RNF150: variants seen among roughly 807,000 people sequenced by gnomAD.
RNF150 encodes ring finger protein 150.
Under a neutral mutation model 39.3 loss-of-function variants are expected in RNF150, and 24 were observed. That is an observed-to-expected ratio of 0.61 (90% CI 0.44 to 0.86). The LOEUF is 0.86. Ranked by LOEUF, RNF150 falls within the 40% of genes least tolerant of loss-of-function variation. The pLI is 0.00. For synonymous variants in RNF150, 255 were observed against 227.3 expected, an observed-to-expected ratio of 1.12 and a Z score of -1.10; for missense variants, 502 against 587.8, an observed-to-expected ratio of 0.85 and a Z score of 1.51.
chr4:141,015,034 C>T (rs977361145), intron 1 of RNF150, among the ~76,000 whole-genome samples: 4 of 152,132 alleles, frequency 2.6e-5, no homozygotes, highest in East Asian at 1.9e-4. Context: ...CATTCTTCTG[C>T]GTGTGGATAT....
At chr4:140,908,409 C>T (rs1485673288) in intron 6 of RNF150, among the ~76,000 whole-genome samples, 4 of 151,986 alleles carry the variant, frequency 2.6e-5, no homozygotes, top group East Asian at 3.9e-4. Flanking sequence ...AAAAATATTT[C>T]GTGAGAAAAT....
rs556343281 is a variant in RNF150 at position 141,044,138 on chromosome 4, G to T, written c.485-76265C>A. On this transcript the variant is annotated intron_variant, in intron 1 of 6. Transcript: ENST00000515673. ...TATTTTTAAATGACACATTAACATT[G>T]AAAGTGATATATCAAACACATTAGA... Among the ~76,000 whole-genome samples, 13 of 152,276 alleles carry T rather than the reference G, an allele frequency of 8.5e-5. No individual in the cohort carries two copies. In the East Asian group the frequency reaches 2.5e-3, roughly 29 times the overall value.
intron 1 of RNF150, among the ~76,000 whole-genome samples, chr4:140,975,557 T>C (rs768032302): frequency 2.0e-5 from 3 of 152,200 alleles, no homozygotes; most frequent in Non-Finnish European, 4.4e-5. Context: ...TTTAAACCAT[T>C]CTTTCTCAGG....
intron 1 of RNF150, among the ~76,000 whole-genome samples, chr4:141,061,348 C>T (rs897830140): frequency 2.1e-4 from 32 of 152,218 alleles, no homozygotes; most frequent in African/African-American, 6.5e-4. Context: ...TTTGTTCACA[C>T]ATTGGAGATA....
At chr4:140,944,243 T>C (rs1048543880) in intron 4 of RNF150, among the ~76,000 whole-genome samples, 2 of 152,036 alleles carry the variant, frequency 1.3e-5, no homozygotes, top group Non-Finnish European at 2.9e-5. Context: ...CCCTAAAATA[T>C]AGTGTAATGC....
intron 2 of RNF150, among the ~76,000 whole-genome samples, chr4:140,950,325 G>A (rs1345755503): frequency 6.6e-6 from 1 of 152,182 alleles, no homozygotes; most frequent in Non-Finnish European, 1.5e-5. Flanking sequence ...AAGCACTCAA[G>A]CTTCTTGCTT....
intron 6 of RNF150, among the ~76,000 whole-genome samples, chr4:140,906,532 G>C (rs1358060784): frequency 6.6e-6 from 1 of 152,150 alleles, no homozygotes; most frequent in African/African-American, 2.4e-5. Flanking sequence ...TGGGTATCAA[G>C]GGATGACTGT....
At chr4:141,192,917 G>A (rs185747098) in intron 1 of RNF150, among the ~76,000 whole-genome samples, 2 of 152,246 alleles carry the variant, frequency 1.3e-5, no homozygotes, top group East Asian at 1.9e-4. Context: ...TGGCTAGAAG[G>A]CACTTTTGCC....
At chr4:141,049,218 T>C (rs1161277852) in intron 1 of RNF150, among the ~76,000 whole-genome samples, 5 of 151,710 alleles carry the variant, frequency 3.3e-5, no homozygotes, top group Non-Finnish European at 7.4e-5. Context: ...GAAATGGCAA[T>C]TGGAAAGTGT....
At chr4:140,918,821 A>G (rs1041592290) in intron 5 of RNF150, among the ~76,000 whole-genome samples, 1 of 152,196 alleles carries the variant, frequency 6.6e-6, no homozygotes, top group African/African-American at 2.4e-5. Context: ...GCAGCACATC[A>G]AAAAGCTTAT....
intron 1 of RNF150, among the ~76,000 whole-genome samples, chr4:141,152,919 T>C (rs1444446850): frequency 6.6e-6 from 1 of 152,162 alleles, no homozygotes; most frequent in Non-Finnish European, 1.5e-5. Flanking sequence ...GTCATGGTGG[T>C]TTGCTGCACC....
chr4:141,184,589 C>T (rs957814149), intron 1 of RNF150, among the ~76,000 whole-genome samples: 7 of 152,128 alleles, frequency 4.6e-5, no homozygotes, highest in Non-Finnish European at 4.4e-5. Flanking sequence ...TGCCTATGTC[C>T]TGAATGGTAT....
intron 6 of RNF150, among the ~76,000 whole-genome samples, chr4:140,877,830 C>T (rs1024577403): frequency 6.6e-6 from 1 of 152,184 alleles, no homozygotes; most frequent in Admixed American, 6.5e-5. Flanking sequence ...TACATGTAGG[C>T]TGGCAGTGAG....
chr4:140,934,066 A>G (rs955306354), intron 4 of RNF150, among the ~76,000 whole-genome samples: 4 of 152,208 alleles, frequency 2.6e-5, no homozygotes, highest in African/African-American at 7.2e-5. Context: ...TGGACAGTGC[A>G]GTGGCGTGAT....
intron 1 of RNF150, among the ~76,000 whole-genome samples, chr4:141,151,512 C>G (rs946788719): frequency 1.3e-5 from 2 of 150,410 alleles, no homozygotes; most frequent in Non-Finnish European, 1.5e-5. Context: ...GAATGTTTTT[C>G]TTTAAAATGG....
intron 1 of RNF150, among the ~76,000 whole-genome samples, chr4:141,000,229 AG>A (rs1284610620): frequency 6.6e-6 from 1 of 152,200 alleles, no homozygotes; most frequent in African/African-American, 2.4e-5. Context: ...AAAGCAGGCA[AG>A]CCTCTTCAAG....
At chr4:141,149,482 T>C (rs1412886137) in intron 1 of RNF150, among the ~76,000 whole-genome samples, 2 of 152,202 alleles carry the variant, frequency 1.3e-5, no homozygotes, top group African/African-American at 2.4e-5. Context: ...TGAGAACATA[T>C]GATGTTTGGT....
intron 4 of RNF150, among the ~76,000 whole-genome samples, chr4:140,946,059 T>C (rs955770186): frequency 3.3e-5 from 5 of 152,222 alleles, no homozygotes; most frequent in East Asian, 3.8e-4. Flanking sequence ...AGAACTTACA[T>C]AGCGAATCCT....
intron 2 of RNF150, among the ~76,000 whole-genome samples, chr4:140,964,179 A>G (rs1057475780): frequency 6.6e-6 from 1 of 152,146 alleles, no homozygotes; most frequent in African/African-American, 2.4e-5. Context: ...AATATAAATA[A>G]TCACAAATAC....
Sources: allele counts gnomAD v4.1 joint callset (sites outside exome capture counted in the v4.1 genomes callset), GRCh38; gene constraint gnomAD v4.1.1; transcripts MANE v1.5; gene names NCBI Gene and HGNC (gene_info 2026-07-23, HGNC 2026-07-21).